UBAC2: variants seen among roughly 807,000 people sequenced by gnomAD.
UBAC2 encodes the protein UBA domain containing 2.
A neutral mutation model predicts 44.0 loss-of-function variants in UBAC2; 26 were observed. The ratio of observed to expected loss-of-function variants is 0.59; its 90% confidence interval spans 0.43 to 0.82. The LOEUF is 0.82. Ranked by LOEUF, UBAC2 falls within the 40% of genes least tolerant of loss-of-function variation. The pLI is 0.00. For synonymous variants in UBAC2, 155 were observed against 154.3 expected (o/e 1.00, Z -0.04); for missense variants, 329 against 419.4 (o/e 0.78, Z 1.88).
chr13:99,381,978 GACA>G (rs1330673798), intron 8 of UBAC2, among the ~76,000 whole-genome samples: 6 of 152,172 alleles, frequency 3.9e-5, no homozygotes, highest in Non-Finnish European at 8.8e-5. Flanking sequence ...CAAGACCTTT[GACA>G]ACATCTCATC....
At chr13:99,304,219 C>T (rs1463419439) in intron 4 of UBAC2, among the ~76,000 whole-genome samples, 1 of 152,208 alleles carries the variant, frequency 6.6e-6, no homozygotes, top group African/African-American at 2.4e-5. Flanking sequence ...GGATATCCCA[C>T]GTTCCCTCAC....
intron 7 of UBAC2, chr13:99,356,337 C>T (rs1265963404): frequency 7.6e-6 from 3 of 395,734 alleles, no homozygotes; most frequent in South Asian, 1.9e-5. Flanking sequence ...GGACTCCAGC[C>T]GACTAGAGCA....
intron 1 of UBAC2, among the ~76,000 whole-genome samples, chr13:99,232,399 G>GAGATATATATATATATATATATAT (rs1367302629): frequency 6.1e-4 from 67 of 109,940 alleles, no homozygotes; most frequent in East Asian, 1.5e-3. Context: ...TTAGTTGAGA[G>GAGATATATATATATATATATATAT]ATATAGATAT....
rs1270957371 is a variant in UBAC2, at chr13:99,205,176, A to T, written c.31+4237A>T. Among the ~76,000 whole-genome samples, 3 of 152,210 alleles carry T rather than the reference A, an allele frequency of 2.0e-5. No homozygotes were observed. In the East Asian group the frequency reaches 5.8e-4, roughly 29 times the overall value. ...CTCGGCCTCCCAGAGTGCTGGGATT[A>T]TAGGCGTGAGCCACTGTGCCCGGTT... On this transcript the variant is annotated intron_variant, in intron 1 of 8. Transcript: ENST00000403766.
At chr13:99,234,303 C>T (rs956240423) in intron 1 of UBAC2, 11 of 305,574 alleles carry the variant, frequency 3.6e-5, no homozygotes, top group South Asian at 1.1e-4. Context: ...GTGATTCTCC[C>T]GCCTCAGCTT....
At chr13:99,294,935 G>T (rs1440150850) in intron 4 of UBAC2, 9 of 1,047,960 alleles carry the variant, frequency 8.6e-6, no homozygotes, top group Non-Finnish European at 1.2e-5. Context: ...AGATGGGAAA[G>T]TGCCCAATGA....
chr13:99,229,706 A>G (rs988195776), intron 1 of UBAC2, among the ~76,000 whole-genome samples: 1 of 152,224 alleles, frequency 6.6e-6, no homozygotes, highest in South Asian at 2.1e-4. Flanking sequence ...AATGGGGAAA[A>G]TTTGGATTGT....
At chr13:99,337,018 G>T (rs868689922) in intron 6 of UBAC2, among the ~76,000 whole-genome samples, 1 of 151,092 alleles carries the variant, frequency 6.6e-6, no homozygotes, top group Non-Finnish European at 1.5e-5. Context: ...TCATCTTTGC[G>T]CTTTCCTGTC....
chr13:99,255,383 C>G, intron 4 of UBAC2: 1 of 1,614,042 alleles, frequency 6.2e-7, no homozygotes, highest in Non-Finnish European at 8.5e-7. Context: ...GAGTCTTTAT[C>G]TGGGTCTTTA....
intron 4 of UBAC2, chr13:99,308,651 A>G (rs934803990): frequency 3.3e-5 from 5 of 152,190 alleles, no homozygotes; most frequent in Non-Finnish European, 7.3e-5. Flanking sequence ...AGGATTCTGT[A>G]AAAATAGTCG....
At chr13:99,260,441 G>T (rs2043643121) in intron 4 of UBAC2, among the ~76,000 whole-genome samples, 1 of 152,162 alleles carries the variant, frequency 6.6e-6, no homozygotes, top group South Asian at 2.1e-4. Context: ...AAATGTCTGG[G>T]CCTTGAGTCA....
chr13:99,327,152 C>G (rs1314988242), intron 6 of UBAC2, among the ~76,000 whole-genome samples: 1 of 152,208 alleles, frequency 6.6e-6, no homozygotes. Context: ...TCAGCAAACT[C>G]ACTGTCTTGT....
intron 7 of UBAC2, among the ~76,000 whole-genome samples, chr13:99,342,170 C>T (rs2044900519): frequency 6.6e-6 from 1 of 152,226 alleles, no homozygotes; most frequent in South Asian, 2.1e-4. Flanking sequence ...ACAGAGGGAG[C>T]AGCTGCAGTT....
At chr13:99,260,573 G>A (rs928232799) in intron 4 of UBAC2, among the ~76,000 whole-genome samples, 6 of 152,150 alleles carry the variant, frequency 3.9e-5, no homozygotes, top group Admixed American at 3.9e-4. Flanking sequence ...CTGTGCTCCT[G>A]GATCTTCGCG....
At chr13:99,220,349 T>C (rs1197554315) in intron 1 of UBAC2, among the ~76,000 whole-genome samples, 1 of 152,212 alleles carries the variant, frequency 6.6e-6, no homozygotes, top group Non-Finnish European at 1.5e-5. Context: ...TCAGGGCTAT[T>C]ATAGTAATTC....
chr13:99,325,483 C>T (rs1447769100), intron 6 of UBAC2, among the ~76,000 whole-genome samples: 1 of 152,168 alleles, frequency 6.6e-6, no homozygotes, highest in Non-Finnish European at 1.5e-5. Context: ...ACTCACATAT[C>T]CCTTCTTCTA....
chr13:99,201,327 G>C (rs1173871195), intron 1 of UBAC2: 1 of 1,516,358 alleles, frequency 6.6e-7, no homozygotes, highest in Admixed American at 2.1e-5. Context: ...ATTCTTTTAG[G>C]CTTGGGGGAC....
chr13:99,259,824 A>G (rs1426352585), intron 4 of UBAC2, among the ~76,000 whole-genome samples: 1 of 152,226 alleles, frequency 6.6e-6, no homozygotes, highest in Non-Finnish European at 1.5e-5. Flanking sequence ...AAATCAACAG[A>G]TACATTGATG....
At chr13:99,207,934 A>G (rs777152648) in intron 1 of UBAC2, among the ~76,000 whole-genome samples, 14 of 150,154 alleles carry the variant, frequency 9.3e-5, no homozygotes, top group Non-Finnish European at 1.3e-4. Flanking sequence ...TTTCTTAAGT[A>G]TGCATTCAGT....
Sources: allele counts gnomAD v4.1 joint callset (sites outside exome capture counted in the v4.1 genomes callset), GRCh38; gene constraint gnomAD v4.1.1; transcripts MANE v1.5; gene names NCBI Gene and HGNC (gene_info 2026-07-23, HGNC 2026-07-21).